ITGAV: variants seen among roughly 807,000 people sequenced by gnomAD.
ITGAV encodes integrin subunit alpha V.
ITGAV carries 76 observed loss-of-function variants against 143.8 expected under a neutral mutation model. The ratio of observed to expected loss-of-function variants is 0.53; its 90% CI spans 0.44 to 0.64. ITGAV has a LOEUF of 0.64. ITGAV is among the 30% of genes least tolerant of loss of function. The pLI, the probability that ITGAV is intolerant of heterozygous loss-of-function variation, is 0.00. For missense variants in ITGAV, 1,193 were observed against 1,274.7 expected (o/e 0.94, Z 0.98); for synonymous variants, 453 against 446.7 (o/e 1.01, Z -0.18).
intron 22 of ITGAV, 88 bp from the exon 23 acceptor site, chr2:186,667,059 TTTG>T (rs1449403297): frequency 1.1e-6 from 1 of 886,740 alleles, no homozygotes; most frequent in African/African-American, 1.7e-5. Flanking sequence ...ACTTGTTTCG[TTTG>T]TTAATTTTTA....
At position 186,590,429 on chromosome 2, in the gene ITGAV, T is replaced by A; in HGVS notation, c.91T>A (p.Phe31Ile). ...ACTCCTGCTACCTCTGTGCCGCGCC[T>A]TCAACCTAGACGTGGACAGTCCTGC... ...SGLLLPLCRA[F>I]NLDVDSPAEY... The change falls in exon 1 of 30, where the codon TTC becomes ATC. Residue 31 changes from phenylalanine (F) to isoleucine (I), a missense_variant. Transcript: ENST00000261023. 6.2e-7 allele frequency: 1 copy of A among 1,613,150 alleles called. No homozygotes were observed.
intron 26 of ITGAV, among the ~76,000 whole-genome samples, chr2:186,673,880 G>A (rs1689133824): frequency 6.6e-6 from 1 of 152,082 alleles, no homozygotes; most frequent in African/African-American, 2.4e-5. Flanking sequence ...ATGTTGGTCA[G>A]TCTGGTCTCG....
In ITGAV at chr2:186,638,233, T is replaced by C. The variant is rs530014949; in HGVS notation, c.803-44T>C. 3.8e-5 allele frequency: 60 copies of C among 1,576,544 alleles called. 1 individual carries two copies. The South Asian group carries it at 6.4e-4, about 17-fold the overall frequency. On this transcript the variant is annotated intron_variant, in intron 8 of 29. Transcript: ENST00000261023. ...GTCACTTCTGGTCTGCAACTTCCAG[T>C]GTTGTCCTAAAAAATGAATAATTTG...
chr2:186,625,603 TGTA>T lies in ITGAV; in HGVS notation c.523+17_523+19del. 6.4e-7 allele frequency: 1 copy of T among 1,569,742 alleles called. No homozygotes were observed. Among genetic ancestry groups the T allele is most frequent in the African/African-American group, 1.4e-5 (1 of 73,878 alleles). The stretch of plus-strand genomic sequence containing the variant: ...TGTAGATCACGTATGTATAGGATAT[TGTA>T]CCAGCTTTTAAGAAGAGGGGTGGGA... On this transcript the variant is annotated intron_variant, in intron 4 of 29. Transcript: ENST00000261023.
intron 4 of ITGAV, among the ~76,000 whole-genome samples, chr2:186,628,280 GTTAT>G (rs1332331282): frequency 6.6e-6 from 1 of 152,062 alleles, no homozygotes; most frequent in Non-Finnish European, 1.5e-5. Flanking sequence ...TGTCTTGTGG[GTTAT>G]TTTATTTATT....
chr2:186,618,393 A>G (rs1333209943), intron 2 of ITGAV, among the ~76,000 whole-genome samples: 1 of 152,216 alleles, frequency 6.6e-6, no homozygotes, highest in Non-Finnish European at 1.5e-5. Context: ...TTTGGTTTCC[A>G]AAAAGATATG....
intron 1 of ITGAV, among the ~76,000 whole-genome samples, chr2:186,591,179 G>A (rs1686606014): frequency 6.6e-6 from 1 of 152,152 alleles, no homozygotes; most frequent in Admixed American, 6.5e-5. Flanking sequence ...CACTATTTAG[G>A]TCATTGTTCA....
chr2:186,641,220 T>C, intron 11 of ITGAV, 166 bp from the exon 12 acceptor site: 1 of 627,502 alleles, frequency 1.6e-6, no homozygotes, highest in Non-Finnish European at 2.8e-6. Context: ...CTTAAAAGAA[T>C]TAAAGGAAGT....
chr2:186,612,002 A>G (rs1687230164), intron 2 of ITGAV, among the ~76,000 whole-genome samples: 1 of 152,224 alleles, frequency 6.6e-6, no homozygotes, highest in Non-Finnish European at 1.5e-5. Flanking sequence ...GTAAACAAGA[A>G]AGCATTATAC....
rs184697087 is a variant in ITGAV, at chr2:186,650,942, A to G, written c.1398-1040A>G. Among the ~76,000 whole-genome samples the G allele has an allele frequency of 2.1e-3, 319 of 152,346 alleles. 1 individual carries two copies. The highest frequency in any genetic ancestry group is 7.5e-3 in the African/African-American group (310 of 41,580). ...GGGTTTACATTTTCCTATAAGAAGCAGGAAATTAACCTCATGCTTATGTCT... is the reference window on the plus strand; with the variant it reads ...GGGTTTACATTTTCCTATAAGAAGCGGGAAATTAACCTCATGCTTATGTCT... On this transcript the variant is annotated intron_variant, in intron 14 of 29. Transcript: ENST00000261023.
At chr2:186,636,365 G>A (rs1319615001) in intron 7 of ITGAV, among the ~76,000 whole-genome samples, 158 bp downstream of exon 7, 1 of 152,060 alleles carries the variant, frequency 6.6e-6, no homozygotes, top group East Asian at 1.9e-4. Flanking sequence ...GAGTACTTTG[G>A]TTATGTTACG....
rs148284429 is a variant in ITGAV, at chr2:186,677,217, C to T, written c.3072C>T (p.Val1024=). Residue 1024 remains valine (V), a synonymous_variant, in exon 30 of 30, where the codon GTC becomes GTT. Coordinates refer to ENST00000261023, the MANE Select transcript of ITGAV (RefSeq NM_002210.5). ...VMYRMGFFKR[V]RPPQEEQERE... ...GACAGATGGGCTTTTTTAAACGGGT[C>T]CGGCCACCTCAAGAAGAACAAGAAA... is the stretch of plus-strand genomic sequence containing the variant. 1.2e-6 allele frequency: 2 copies of T among 1,613,610 alleles called. No individual in the cohort carries two copies. Among genetic ancestry groups the T allele is most frequent in the African/African-American group, 2.7e-5 (2 of 74,970 alleles).
At chr2:186,595,414 C>T (rs1686723503) in intron 1 of ITGAV, among the ~76,000 whole-genome samples, 1 of 152,204 alleles carries the variant, frequency 6.6e-6, no homozygotes. Context: ...CATCCAAAGG[C>T]CATCCTCCTG....
At chr2:186,608,313 C>T (rs1183012730) in intron 2 of ITGAV, among the ~76,000 whole-genome samples, 1 of 152,172 alleles carries the variant, frequency 6.6e-6, no homozygotes, top group African/African-American at 2.4e-5. Flanking sequence ...GTTGCATCAA[C>T]ATTTGAAGTC....
Position 186,634,113 on chromosome 2 carries a change from TTATTA to T in ITGAV, c.631+746_631+750del, listed in dbSNP as rs542182032. ...AAACTGGCATTGATATAAAGATGCA[TTATTA>T]TATTATTCAGTCATTCTGGGAGGCC... On this transcript the variant is annotated intron_variant, in intron 6 of 29. Coordinates refer to ENST00000261023, the MANE Select transcript of ITGAV (RefSeq NM_002210.5). Among the ~76,000 whole-genome samples the T allele has an allele frequency of 1.8e-3, 271 of 152,260 alleles. 2 individuals carry two copies. Among genetic ancestry groups the T allele is most frequent in the Middle Eastern group, 0.01 (3 of 292 alleles).
In ITGAV at chr2:186,613,835, G is replaced by A. The variant is rs1476060678; in HGVS notation, c.317-8504G>A. Among the ~76,000 whole-genome samples the A allele has an allele frequency of 2.6e-5, 4 of 151,932 alleles. No individual in the cohort carries two copies. The East Asian group carries it at 7.7e-4, about 29-fold the overall frequency. The stretch of plus-strand genomic sequence containing the variant: ...CATTAACCACCAGTTTAGTCTTCAG[G>A]AGTATCTAGAATTTTTATTTTTTAA... On this transcript the variant is annotated intron_variant, in intron 2 of 29. Coordinates refer to ENST00000261023, the MANE Select transcript of ITGAV (RefSeq NM_002210.5).
In ITGAV at chr2:186,664,530, T is replaced by C; in HGVS notation, c.1962T>C (p.Pro654=). ...AGATCTATATTGGGGATGACAACCC[T>C]CTGACATTGATTGTTAAGGCTCAGA... is the stretch of plus-strand genomic sequence containing the variant. ...QKKIYIGDDN[P]LTLIVKAQNQ... is the part of the protein sequence containing the mutation. The change falls in exon 20 of 30, where the codon CCT becomes CCC. Residue 654 remains proline (P), a synonymous_variant. Transcript: ENST00000261023. The C allele has an allele frequency of 6.2e-7, 1 of 1,613,922 alleles. No homozygotes were observed. The highest frequency in any genetic ancestry group is 8.5e-7 in the Non-Finnish European group (1 of 1,179,832).
At chr2:186,596,697 C>A (rs534074964) in intron 1 of ITGAV, among the ~76,000 whole-genome samples, 2 of 152,138 alleles carry the variant, frequency 1.3e-5, no homozygotes, top group East Asian at 1.9e-4. Flanking sequence ...CCGTGCCTGG[C>A]CTGTGTTGCT....
At chr2:186,625,659 G>T in intron 4 of ITGAV, 72 bp downstream of exon 4, 1 of 632,778 alleles carries the variant, frequency 1.6e-6, no homozygotes, top group South Asian at 1.8e-5. Flanking sequence ...ATATGTGTGT[G>T]TGGGTGTGTG....
Sources: allele counts gnomAD v4.1 joint callset (sites outside exome capture counted in the v4.1 genomes callset), GRCh38; gene constraint gnomAD v4.1.1; transcripts MANE v1.5; gene names NCBI Gene and HGNC (gene_info 2026-07-23, HGNC 2026-07-21).